Variants in IQSEC1 observed in about 807,000 individuals in gnomAD.
The protein encoded by IQSEC1 is IQ motif and Sec7 domain ArfGEF 1.
A neutral mutation model predicts 91.0 loss-of-function variants in IQSEC1; 31 were observed. That is an observed-to-expected ratio of 0.34 (90% CI 0.26 to 0.46). The LOEUF (loss-of-function observed/expected upper bound fraction) is 0.46. Ranked by LOEUF, IQSEC1 falls within the 20% of genes least tolerant of loss-of-function variation. The probability of loss-of-function intolerance (pLI) is 1.00; values close to 1 mark genes in which losing one functional copy is unlikely to be tolerated. For synonymous variants in IQSEC1, 699 were observed against 662.6 expected (o/e 1.05, Z -0.84); for missense variants, 1,388 against 1,575.6 (o/e 0.88, Z 2.02).
chr3:13,204,210 C>T (rs1032889108), intron 1 of IQSEC1, among the ~76,000 whole-genome samples: 7 of 152,252 alleles, frequency 4.6e-5, no homozygotes, highest in African/African-American at 1.7e-4. Flanking sequence ...AGCCTCACAC[C>T]CGCCCGCCGC....
chr3:12,954,672 G>A (rs972189910), intron 1 of IQSEC1, among the ~76,000 whole-genome samples: 2 of 152,194 alleles, frequency 1.3e-5, no homozygotes, highest in East Asian at 1.9e-4. Context: ...AGGTCAGCTC[G>A]GGAAGGGCAG....
chr3:13,128,025 T>C (rs993934311), intron 2 of IQSEC1, among the ~76,000 whole-genome samples: 2 of 152,218 alleles, frequency 1.3e-5, no homozygotes, highest in Admixed American at 6.5e-5. Context: ...AATCCTGCTA[T>C]TTTGCTGAAT....
At chr3:13,083,644 G>T (rs1203082424) in intron 2 of IQSEC1, among the ~76,000 whole-genome samples, 5 of 152,292 alleles carry the variant, frequency 3.3e-5, no homozygotes, top group African/African-American at 1.2e-4. Flanking sequence ...TGGCCGCAGG[G>T]TCTCTAGGCA....
At chr3:13,066,736 C>A (rs1005370527) in intron 1 of IQSEC1, among the ~76,000 whole-genome samples, 1 of 152,216 alleles carries the variant, frequency 6.6e-6, no homozygotes, top group Non-Finnish European at 1.5e-5. Context: ...ATCCAGGAGC[C>A]GCTCTGGCAG....
intron 6 of IQSEC1, among the ~76,000 whole-genome samples, chr3:12,916,115 T>C (rs980854036): frequency 1.3e-5 from 2 of 152,130 alleles, no homozygotes; most frequent in Non-Finnish European, 2.9e-5. Context: ...ATAGGGAGGC[T>C]GGGGTTTGTT....
intron 1 of IQSEC1, among the ~76,000 whole-genome samples, chr3:12,974,726 C>A (rs775424657): frequency 1.6e-4 from 25 of 152,246 alleles, no homozygotes; most frequent in Non-Finnish European, 3.2e-4. Context: ...AGGTGCCTGC[C>A]AGCCCCAGCT....
chr3:13,197,713 G>A (rs1694160393), intron 1 of IQSEC1, among the ~76,000 whole-genome samples: 1 of 152,198 alleles, frequency 6.6e-6, no homozygotes, highest in Admixed American at 6.5e-5. Context: ...CCAGGCATGG[G>A]TGGGGCATCA....
In IQSEC1 at chr3:13,156,626, A is replaced by G. The variant is rs150323383; in HGVS notation, c.302+7478T>C. Among the ~76,000 whole-genome samples, 117 of 152,396 alleles carry G rather than the reference A, an allele frequency of 7.7e-4. 1 individual carries two copies. The highest frequency in any genetic ancestry group is 1.3e-3 in the Non-Finnish European group (90 of 68,040). On this transcript the variant is annotated intron_variant, in intron 2 of 15. Transcript: ENST00000648114. The stretch of plus-strand genomic sequence containing the variant: ...AAAATAGCATGCTGTGCCAGGGCAC[A>G]TGGCAGAGCACTGAGGCACAGCACT...
intron 2 of IQSEC1, among the ~76,000 whole-genome samples, chr3:13,104,131 C>T (rs573689884): frequency 1.2e-3 from 177 of 152,282 alleles, no homozygotes; most frequent in African/African-American, 3.9e-3. Context: ...CATGGCCTGT[C>T]AGCTCCGATG....
intron 1 of IQSEC1, among the ~76,000 whole-genome samples, chr3:13,026,622 C>T (rs1399572608): frequency 2.6e-5 from 4 of 152,178 alleles, no homozygotes; most frequent in South Asian, 2.1e-4. Flanking sequence ...ATGAAGAAGG[C>T]GTATAAACTA....
chr3:13,198,917 C>T (rs543975299), intron 1 of IQSEC1, among the ~76,000 whole-genome samples: 11 of 152,176 alleles, frequency 7.2e-5, no homozygotes, highest in Non-Finnish European at 8.8e-5. Context: ...GGAGAAATGC[C>T]CAGGACGGAA....
At chr3:13,129,742 C>T (rs1265328891) in intron 2 of IQSEC1, among the ~76,000 whole-genome samples, 1 of 148,132 alleles carries the variant, frequency 6.8e-6, no homozygotes, top group African/African-American at 2.5e-5. Context: ...ATTGCAAGCT[C>T]CGCCTCCCGG....
chr3:13,087,098 A>G (rs926907236), intron 2 of IQSEC1, among the ~76,000 whole-genome samples: 8 of 152,208 alleles, frequency 5.3e-5, no homozygotes, highest in Admixed American at 3.3e-4. Context: ...TTCACATGCC[A>G]CACCCTTTGA....
intron 1 of IQSEC1, among the ~76,000 whole-genome samples, chr3:13,061,180 A>G (rs927111717): frequency 2.6e-5 from 4 of 152,082 alleles, no homozygotes; most frequent in Admixed American, 1.3e-4. Flanking sequence ...GAGGCTGGGA[A>G]TGACCCATAT....
At chr3:13,273,747 C>T (rs994340814) in intron 1 of IQSEC1, among the ~76,000 whole-genome samples, 1 of 152,156 alleles carries the variant, frequency 6.6e-6, no homozygotes, top group African/African-American at 2.4e-5. Context: ...TCCTCCTCTG[C>T]TCAACACCCT....
chr3:12,956,863 A>T (rs1699941361), intron 1 of IQSEC1, among the ~76,000 whole-genome samples: 1 of 152,162 alleles, frequency 6.6e-6, no homozygotes, highest in Admixed American at 6.5e-5. Context: ...CTGTGGTCTC[A>T]TCTTCACAAC....
At chr3:12,993,145 C>T (rs1702064556) in intron 1 of IQSEC1, among the ~76,000 whole-genome samples, 1 of 152,194 alleles carries the variant, frequency 6.6e-6, no homozygotes, top group Non-Finnish European at 1.5e-5. Flanking sequence ...CAAGGCTGTT[C>T]TGGTCCCCAA....
In IQSEC1 at chr3:12,983,689, C is replaced by A. The variant is rs952809838; in HGVS notation, c.24-41824G>T. Among the ~76,000 whole-genome samples, 1 of 152,194 alleles carries A rather than the reference C, an allele frequency of 6.6e-6. No homozygotes were observed. Among genetic ancestry groups the A allele is most frequent in the Non-Finnish European group, 1.5e-5 (1 of 68,034 alleles). ...ACCTCACAGGCCACGCTGGGCAATT[C>A]CTCCCAGCACCTGGGCGATGCTGTT... On this transcript the variant is annotated intron_variant, in intron 1 of 13. Transcript: ENST00000613206. This position sits in a 1 kb window ranked among gnomAD's most constrained non-coding sequence, Gnocchi z 4.3.
At chr3:13,144,391 G>C (rs1011043792) in intron 2 of IQSEC1, among the ~76,000 whole-genome samples, 7 of 152,182 alleles carry the variant, frequency 4.6e-5, no homozygotes, top group Admixed American at 3.3e-4. Flanking sequence ...ACCCACATCA[G>C]AGGGAGGCAG....
Sources: gnomAD v4.1 joint callset for allele counts (sites outside exome capture counted in the v4.1 genomes callset) on GRCh38, gnomAD v4.1.1 for gene constraint, Gnocchi (gnomAD v3.1) non-coding constraint, MANE v1.5 for transcripts, NCBI Gene and HGNC (gene_info 2026-07-23, HGNC 2026-07-21) for gene names.